The following KLHL1 variants were observed in gnomAD, a reference collection of about 807,000 sequenced individuals.
KLHL1 encodes kelch-like protein 1.
KLHL1 carries 47 observed loss-of-function variants against 77.7 expected under a neutral mutation model. The ratio of observed to expected loss-of-function variants is 0.60; its 90% CI spans 0.48 to 0.77. The LOEUF is 0.77. KLHL1 is among the 30% of genes least tolerant of loss of function. The pLI is 0.00. For synonymous variants in KLHL1, 360 were observed against 325.2 expected (o/e 1.11, Z -1.15); for missense variants, 925 against 910.8 (o/e 1.02, Z -0.20).
At chr13:70,078,110 A>C (rs1887306720) in intron 1 of KLHL1, among the ~76,000 whole-genome samples, 1 of 151,544 alleles carries the variant, frequency 6.6e-6, no homozygotes, top group South Asian at 2.1e-4. Flanking sequence ...TTAGCTGAGA[A>C]AGGAAGGATT....
intron 7 of KLHL1, among the ~76,000 whole-genome samples, chr13:69,756,680 G>A (rs1041321367): frequency 6.6e-6 from 1 of 152,130 alleles, no homozygotes; most frequent in African/African-American, 2.4e-5. Context: ...AACTATCTGG[G>A]ATGATTCAAC....
chr13:69,775,305 C>G (rs1875770799), intron 7 of KLHL1, among the ~76,000 whole-genome samples: 1 of 152,038 alleles, frequency 6.6e-6, no homozygotes, highest in Non-Finnish European at 1.5e-5. Context: ...GTACTAGTGA[C>G]TCAAATGTCT....
At chr13:69,855,327 GATAGATAGAT>G (rs1879850695) in intron 5 of KLHL1, among the ~76,000 whole-genome samples, 1 of 127,160 alleles carries the variant, frequency 7.9e-6, no homozygotes, top group African/African-American at 3.3e-5. Context: ...TAGATAGATA[GATAGATAGAT>G]AGATAGATAG....
At chr13:70,045,782 CT>C (rs1886480617) in intron 1 of KLHL1, among the ~76,000 whole-genome samples, 1 of 152,074 alleles carries the variant, frequency 6.6e-6, no homozygotes, top group South Asian at 2.1e-4. Flanking sequence ...CACATTAATT[CT>C]TTGAAGTATA....
intron 9 of KLHL1, among the ~76,000 whole-genome samples, chr13:69,714,515 A>T (rs1213049222): frequency 1.3e-5 from 2 of 152,134 alleles, no homozygotes; most frequent in African/African-American, 4.8e-5. Flanking sequence ...TTATATAATC[A>T]CTTCCTCTAC....
At chr13:69,781,281 CTTTCTT>C (rs1876183425) in intron 7 of KLHL1, among the ~76,000 whole-genome samples, 1 of 111,430 alleles carries the variant, frequency 9.0e-6, no homozygotes, top group East Asian at 2.6e-4. Flanking sequence ...TCCTTTTTTT[CTTTCTT>C]TTTTTTTTTT....
chr13:69,735,053 A>C (rs1323025197), intron 8 of KLHL1, among the ~76,000 whole-genome samples: 1 of 152,114 alleles, frequency 6.6e-6, no homozygotes, highest in African/African-American at 2.4e-5. Context: ...ATGCAATATG[A>C]GCAAGTAGGA....
chr13:69,804,239 G>A (rs919642057), intron 6 of KLHL1, among the ~76,000 whole-genome samples: 1 of 152,056 alleles, frequency 6.6e-6, no homozygotes, highest in Non-Finnish European at 1.5e-5. Context: ...TGGTCAGGAT[G>A]TTATCCAAAG....
chr13:69,950,615 C>A (rs1231126917), intron 3 of KLHL1, among the ~76,000 whole-genome samples: 1 of 151,586 alleles, frequency 6.6e-6, no homozygotes, highest in African/African-American at 2.4e-5. Flanking sequence ...TTATTTAAAT[C>A]TTCACTTAAG....
chr13:70,107,860 C>T lies in KLHL1; in HGVS notation c.-161G>A. The T allele has an allele frequency of 6.8e-6, 4 of 590,208 alleles. No individual in the cohort carries two copies. Among genetic ancestry groups the T allele is most frequent in the South Asian group, 5.5e-5 (2 of 36,344 alleles). 36.6% of individuals were successfully genotyped at this position (590,208 alleles called of 1,614,324 possible). A position where few individuals can be genotyped will look rare whatever the true frequency, so the allele number is the denominator to read the frequency against. ...TAGGTGGGCTGCGCGCTCTGCCAGGCGAAGGCTGGAGCGCAGACGGCAAAG... is the reference window on the plus strand; with the variant it reads ...TAGGTGGGCTGCGCGCTCTGCCAGGTGAAGGCTGGAGCGCAGACGGCAAAG... On this transcript the variant is annotated 5_prime_UTR_variant, in exon 1 of 11. Transcript: ENST00000377844.
At chr13:70,063,888 A>C (rs1481398969) in intron 1 of KLHL1, among the ~76,000 whole-genome samples, 1 of 152,094 alleles carries the variant, frequency 6.6e-6, no homozygotes, top group African/African-American at 2.4e-5. Context: ...AGGTGTGTTT[A>C]TATGATTGGA....
intron 5 of KLHL1, among the ~76,000 whole-genome samples, chr13:69,865,795 A>T (rs1880346232): frequency 6.6e-6 from 1 of 152,286 alleles, no homozygotes; most frequent in South Asian, 2.1e-4. Context: ...TGGACATGGA[A>T]TAAGGACAAA....
At chr13:70,045,186 A>G (rs1465666620) in intron 1 of KLHL1, among the ~76,000 whole-genome samples, 1 of 152,188 alleles carries the variant, frequency 6.6e-6, no homozygotes, top group African/African-American at 2.4e-5. Context: ...TTCTAAGAAA[A>G]AAATAGATTA....
chr13:69,823,520 C>T (rs1234485252), intron 6 of KLHL1, among the ~76,000 whole-genome samples: 3 of 151,558 alleles, frequency 2.0e-5, no homozygotes, highest in Non-Finnish European at 2.9e-5. Flanking sequence ...AGAAATTGGA[C>T]TAGATGTATA....
chr13:69,945,486 T>C (rs1376058452), intron 3 of KLHL1, among the ~76,000 whole-genome samples: 1 of 149,170 alleles, frequency 6.7e-6, no homozygotes, highest in Non-Finnish European at 1.5e-5. Flanking sequence ...CACTGTAAGA[T>C]ATATTATTAA....
In KLHL1 at chr13:70,107,350, C is replaced by T. The variant is rs774617988; in HGVS notation, c.350G>A (p.Arg117Lys). 3 of 1,613,988 alleles carry T rather than the reference C, an allele frequency of 1.9e-6. No individual in the cohort carries two copies. The East Asian group carries it at 6.7e-5, about 36-fold the overall frequency. ...TAGTGACTCCACGTAGAAGAGAGTCCTGGCTGGCTGCTGAGTGCCCTGCCC... is the reference window on the plus strand; with the variant it reads ...TAGTGACTCCACGTAGAAGAGAGTCTTGGCTGGCTGCTGAGTGCCCTGCCC... ...APGQGTQQPARTLFYVESLEE... is the reference protein window; with the variant it reads ...APGQGTQQPAKTLFYVESLEE... The change falls in exon 1 of 11, where the codon AGG (arginine) becomes AAG (lysine). Residue 117 changes from arginine (R) to lysine (K), a missense_variant. By Grantham distance (26) the Arg-to-Lys change is conservative. Transcript: ENST00000377844.
rs113676379 is a variant in KLHL1, at chr13:69,937,048, C to T, written c.1014+2992G>A. 6.1e-3 allele frequency among the ~76,000 whole-genome samples: 931 copies of T among 152,266 alleles called. 3 individuals are homozygous for T. Among genetic ancestry groups the T allele is most frequent in the Non-Finnish European group, 8.7e-3 (593 of 68,028 alleles). ...TTGGCAAGATCTAACCAAAAACCATCTAGAGAAAGGATTGCTGGATAAAAA... is the reference window on the plus strand; with the variant it reads ...TTGGCAAGATCTAACCAAAAACCATTTAGAGAAAGGATTGCTGGATAAAAA... On this transcript the variant is annotated intron_variant, in intron 4 of 10. Transcript: ENST00000377844.
intron 1 of KLHL1, among the ~76,000 whole-genome samples, chr13:70,087,602 C>G (rs1313387440): frequency 6.6e-6 from 1 of 151,278 alleles, no homozygotes; most frequent in Non-Finnish European, 1.5e-5. Context: ...AATGACCAAA[C>G]CCAATGCTTT....
intron 5 of KLHL1, among the ~76,000 whole-genome samples, chr13:69,846,172 T>C (rs1879452594): frequency 6.6e-6 from 1 of 151,544 alleles, no homozygotes; most frequent in Admixed American, 6.6e-5. Context: ...TATATACAAA[T>C]TTTAGGATAA....
Sources: gnomAD v4.1 joint callset for allele counts (sites outside exome capture counted in the v4.1 genomes callset) on GRCh38, gnomAD v4.1.1 for gene constraint, MANE v1.5 for transcripts, NCBI Gene and HGNC (gene_info 2026-07-23, HGNC 2026-07-21) for gene names.